Variants in CD44 observed in about 807,000 individuals in gnomAD.
CD44 encodes the protein CD44 molecule (IN blood group).
Under a neutral mutation model 88.8 loss-of-function variants are expected in CD44, and 49 were observed. The observed-to-expected ratio is 0.55, with a 90% confidence interval of 0.44 to 0.70. CD44 has a LOEUF of 0.70. Among genes scored for constraint, CD44 ranks in the 30% least tolerant of loss-of-function variants. The pLI, the probability that CD44 is intolerant of heterozygous loss-of-function variation, is 0.00. For synonymous variants in CD44, 325 were observed against 312.3 expected, an observed-to-expected ratio of 1.04 and a Z score of -0.43; for missense variants, 883 against 913.8, an observed-to-expected ratio of 0.97 and a Z score of 0.43.
In CD44 at chr11:35,180,158, A is replaced by G. The variant is rs1252163798; in HGVS notation, c.234-116A>G. On this transcript the variant is annotated intron_variant, in intron 2 of 17. Coordinates refer to ENST00000428726, the MANE Select transcript of CD44 (RefSeq NM_000610.4). ...TAACTCGGTTGTTGAAACCTCCGAT[A>G]TCCCTAGGGGTGAACTGAATGAAGT... 9.2e-6 allele frequency: 9 copies of G among 975,320 alleles called. No individual in the cohort carries two copies. In the African/African-American group the frequency reaches 1.5e-4, roughly 16 times the overall value. 60.4% of individuals were successfully genotyped at this position (975,320 alleles called of 1,614,324 possible).
At chr11:35,153,112 G>A (rs1450029098) in intron 1 of CD44, among the ~76,000 whole-genome samples, 1 of 152,226 alleles carries the variant, frequency 6.6e-6, no homozygotes, top group Non-Finnish European at 1.5e-5. Flanking sequence ...AGGGCTGCAA[G>A]TGACTTTCCC....
Position 35,139,287 on chromosome 11 carries a change from C to T in CD44, c.-17C>T. ...TCCAGCTCCTTTCGCCCGCGCCCTCCGTTCGCTCCGGACACCATGGACAAG... is the reference window on the plus strand; with the variant it reads ...TCCAGCTCCTTTCGCCCGCGCCCTCTGTTCGCTCCGGACACCATGGACAAG... On this transcript the variant is annotated 5_prime_UTR_variant, in exon 1 of 18. Transcript: ENST00000428726. The T allele has an allele frequency of 1.9e-6, 3 of 1,554,976 alleles. No individual in the cohort carries two copies. Among genetic ancestry groups the T allele is most frequent in the Non-Finnish European group, 2.6e-6 (3 of 1,148,424 alleles).
At chr11:35,175,142 A>G (rs1944321275) in intron 1 of CD44, among the ~76,000 whole-genome samples, 1 of 152,240 alleles carries the variant, frequency 6.6e-6, no homozygotes, top group Admixed American at 6.5e-5. Flanking sequence ...GAAGGCAGAT[A>G]CAAATATTCT....
chr11:35,206,300 C>T (rs753652076), intron 11 of CD44, 57 bp downstream of exon 11: 4 of 1,511,902 alleles, frequency 2.6e-6, no homozygotes, highest in Non-Finnish European at 3.6e-6. Flanking sequence ...TGAGTGACTG[C>T]TGACTATTTT....
intron 5 of CD44, among the ~76,000 whole-genome samples, chr11:35,196,359 G>A (rs575724814): frequency 7.2e-5 from 11 of 152,136 alleles, no homozygotes; most frequent in African/African-American, 2.4e-4. Flanking sequence ...GGATCCAGAG[G>A]CAAAAAAGTT....
chr11:35,165,574 C>CCCCAA (rs1365304118), intron 1 of CD44, among the ~76,000 whole-genome samples: 4 of 152,116 alleles, frequency 2.6e-5, no homozygotes, highest in Non-Finnish European at 5.9e-5. Flanking sequence ...GAGGGTGGAG[C>CCCCAA]CCCAATGTGT....
At chr11:35,215,001 G>T in intron 15 of CD44, 87 bp downstream of exon 15, 1 of 765,204 alleles carries the variant, frequency 1.3e-6, no homozygotes, top group South Asian at 2.9e-5. Context: ...AGTGTCTCCA[G>T]AGAAGTGGTT....
intron 12 of CD44, 44 bp from the exon 13 acceptor site, chr11:35,209,921 C>A: frequency 7.8e-7 from 1 of 1,276,304 alleles, no homozygotes. Context: ...AGGATTTGTA[C>A]CGTAGCTTCA....
chr11:35,188,347 G>A (rs1056028250), intron 4 of CD44, among the ~76,000 whole-genome samples: 7 of 152,210 alleles, frequency 4.6e-5, no homozygotes, highest in African/African-American at 1.7e-4. Flanking sequence ...TGAAATCCTA[G>A]TTCCCTCACC....
At chr11:35,206,899 C>T (rs75158369) in intron 11 of CD44, among the ~76,000 whole-genome samples, 27 of 152,266 alleles carry the variant, frequency 1.8e-4, no homozygotes, top group Admixed American at 1.6e-3. Context: ...GGGGGAAAAC[C>T]AAGCCAGGCA....
chr11:35,209,897 T>C (rs1948235031), intron 12 of CD44, 68 bp from the exon 13 acceptor site: 8 of 1,034,706 alleles, frequency 7.7e-6, no homozygotes, highest in Non-Finnish European at 1.1e-5. Context: ...AGATTTTCCT[T>C]GCTAGCAGAT....
intron 1 of CD44, among the ~76,000 whole-genome samples, chr11:35,175,494 T>C (rs1289833462): frequency 6.6e-6 from 1 of 152,262 alleles, no homozygotes; most frequent in Non-Finnish European, 1.5e-5. Context: ...ACATACTTTA[T>C]GTATATATGC....
At position 35,205,946 on chromosome 11, in the gene CD44, G is replaced by A. The variant is rs142291970; in HGVS notation, c.1283-166G>A. ...GAAAATGAGCATGAGTGAACCCAAA[G>A]CTGCTGAAACATTCTGCGTTTATGC... On this transcript the variant is annotated intron_variant, in intron 10 of 17. Transcript: ENST00000428726. 101 of 1,275,608 alleles carry A rather than the reference G, an allele frequency of 7.9e-5. 1 individual carries two copies. In the East Asian group the frequency reaches 3.2e-3, roughly 40 times the overall value. 79.0% of individuals were successfully genotyped at this position (1,275,608 alleles called of 1,614,324 possible). A position where few individuals can be genotyped will look rare whatever the true frequency, so the allele number is the denominator to read the frequency against.
chr11:35,142,377 C>T (rs745498693), intron 1 of CD44, among the ~76,000 whole-genome samples: 16 of 151,994 alleles, frequency 1.1e-4, no homozygotes, highest in Non-Finnish European at 1.0e-4. Flanking sequence ...GCATTATTCA[C>T]AATAGCAAAG....
intron 4 of CD44, among the ~76,000 whole-genome samples, chr11:35,188,835 G>A (rs1225052079): frequency 6.6e-6 from 1 of 152,026 alleles, no homozygotes; most frequent in East Asian, 1.9e-4. Context: ...CTGCTTGGGA[G>A]GCTGAGGCAG....
chr11:35,161,643 T>C (rs1015216189), intron 1 of CD44, among the ~76,000 whole-genome samples: 2 of 152,194 alleles, frequency 1.3e-5, no homozygotes, highest in East Asian at 1.9e-4. Flanking sequence ...GTAGCTTCAC[T>C]TACACCAATT....
intron 5 of CD44, among the ~76,000 whole-genome samples, chr11:35,194,165 T>C (rs1946523385): frequency 6.6e-6 from 1 of 152,196 alleles, no homozygotes; most frequent in African/African-American, 2.4e-5. Context: ...TGCTGCTTGA[T>C]TTTGCTTTGA....
rs1949961034 is a variant in CD44 at position 35,229,618 on chromosome 11, T to C, written c.*285T>C. The C allele has an allele frequency of 2.5e-6, 1 of 393,998 alleles. No homozygotes were observed. Among genetic ancestry groups the C allele is most frequent in the African/African-American group, 2.0e-5 (1 of 49,484 alleles). The allele number at this position is 393,998 out of a possible 1,614,324, so 24.4% of individuals were successfully genotyped here. On this transcript the variant is annotated 3_prime_UTR_variant, in exon 18 of 18. Coordinates refer to ENST00000428726, the MANE Select transcript of CD44 (RefSeq NM_000610.4). ...TTTCATCCCTCGGGTGTGCTATGGA[T>C]GGCTTCTAACAAAAACTACACATAT...
intron 4 of CD44, 104 bp from the exon 5 acceptor site, chr11:35,189,731 C>T: frequency 1.3e-6 from 1 of 776,434 alleles, no homozygotes; most frequent in South Asian, 1.6e-5. Flanking sequence ...ATAGGTGTTT[C>T]TCATTACAAA....
Sources: allele counts gnomAD v4.1 joint callset (sites outside exome capture counted in the v4.1 genomes callset), GRCh38; gene constraint gnomAD v4.1.1; transcripts MANE v1.5; gene names NCBI Gene and HGNC (gene_info 2026-07-23, HGNC 2026-07-21).